Variants in CFAP46 observed in about 807,000 individuals in gnomAD.
CFAP46 encodes cilia- and flagella-associated protein 46.
A neutral mutation model predicts 325.7 loss-of-function variants in CFAP46; 245 were observed. The ratio of observed to expected loss-of-function variants is 0.75; its 90% confidence interval spans 0.68 to 0.84. The LOEUF is 0.84. CFAP46 is among the 40% of genes least tolerant of loss of function. The probability of loss-of-function intolerance (pLI) is 0.00; values close to 1 mark genes in which losing one functional copy is unlikely to be tolerated. For missense variants in CFAP46, 3,346 were observed against 3,543.0 expected (o/e 0.94, Z 1.41); for synonymous variants, 1,523 against 1,495.9 (o/e 1.02, Z -0.42).
chr10:132,886,128 T>G lies in CFAP46; in HGVS notation c.3305-169A>C, dbSNP rs905070009. On this transcript the variant is annotated intron_variant, in intron 25 of 57. Coordinates refer to ENST00000368586, the MANE Select transcript of CFAP46 (RefSeq NM_001200049.3). The surrounding 1 kb of genome is among the most constrained non-coding windows in gnomAD (Gnocchi z 5.8). ...GCAGGGCTGAAGTGAGCTGTGGACCTGCATGGCCCCTCCAGCCCCACAGTG... is the reference window on the plus strand; with the variant it reads ...GCAGGGCTGAAGTGAGCTGTGGACCGGCATGGCCCCTCCAGCCCCACAGTG... 6.6e-6 allele frequency among the ~76,000 whole-genome samples: 1 copy of G among 152,286 alleles called. No individual in the cohort carries two copies. The highest frequency in any genetic ancestry group is 1.9e-4 in the East Asian group (1 of 5,180).
At chr10:132,909,349 G>A in intron 20 of CFAP46, 105 bp from the exon 21 acceptor site, 1 of 808,330 alleles carries the variant, frequency 1.2e-6, no homozygotes, top group Non-Finnish European at 2.0e-6. Context: ...GCAATAATCA[G>A]ACCACAAAAT....
intron 8 of CFAP46, among the ~76,000 whole-genome samples, chr10:132,930,879 G>A (rs1291371811): frequency 2.2e-4 from 14 of 62,296 alleles, no homozygotes; most frequent in African/African-American, 2.1e-4. Context: ...CACTCCCCAC[G>A]CAGAGCCTGG....
At chr10:132,814,657 G>T (rs1278435007) in intron 52 of CFAP46, 29 bp downstream of exon 52, 4 of 1,582,924 alleles carry the variant, frequency 2.5e-6, no homozygotes, top group Non-Finnish European at 2.6e-6. Flanking sequence ...GCGGGGTCTG[G>T]GGCCCCCCCG....
intron 27 of CFAP46, among the ~76,000 whole-genome samples, chr10:132,883,633 G>A (rs926054884): frequency 1.3e-5 from 2 of 152,262 alleles, no homozygotes; most frequent in East Asian, 3.8e-4. Context: ...CCCGGGGGAC[G>A]AGGACCGGGC....
At chr10:132,830,903 TAACA>T (rs779448168) in intron 50 of CFAP46, among the ~76,000 whole-genome samples, 13 of 152,250 alleles carry the variant, frequency 8.5e-5, no homozygotes, top group Non-Finnish European at 1.8e-4. Flanking sequence ...TCTTCTTTCC[TAACA>T]TACATGCTTA....
At chr10:132,883,514 G>A (rs1175996204) in intron 27 of CFAP46, among the ~76,000 whole-genome samples, 1 of 152,230 alleles carries the variant, frequency 6.6e-6, no homozygotes, top group East Asian at 1.9e-4. Flanking sequence ...ACGCCCTGCA[G>A]GCGGGAAGGC....
Position 132,866,137 on chromosome 10 carries a change from AG to A in CFAP46, c.4777del (p.Leu1593TrpfsTer12). ...LKMNGETGRD[L>X]DGTSFPHLWM... is the part of the protein sequence containing the mutation. ...CAGGTGGGGAAAGGACGTCCCATCC[AG>A]GTCCCTCCCGGTCTCCCCATTCATC... On this transcript the variant is annotated frameshift_variant, in exon 35 of 58. Coordinates refer to ENST00000368586, the MANE Select transcript of CFAP46 (RefSeq NM_001200049.3). LOFTEE classifies it high-confidence loss of function. The A allele has an allele frequency of 6.5e-7, 1 of 1,542,062 alleles. No individual in the cohort carries two copies. The highest frequency in any genetic ancestry group is 1.2e-5 in the South Asian group (1 of 82,550).
At chr10:132,910,582 T>C (rs1393826284) in intron 19 of CFAP46, among the ~76,000 whole-genome samples, 6 of 152,198 alleles carry the variant, frequency 3.9e-5, no homozygotes, top group Non-Finnish European at 7.4e-5. Context: ...CATCTCTATG[T>C]AGAAATGAAA....
At chr10:132,826,743 A>G (rs979412201) in intron 50 of CFAP46, among the ~76,000 whole-genome samples, 10 of 145,278 alleles carry the variant, frequency 6.9e-5, no homozygotes, top group South Asian at 2.3e-4. Flanking sequence ...AGCCAGGCAG[A>G]AGCTGGAGCC....
intron 50 of CFAP46, among the ~76,000 whole-genome samples, chr10:132,821,862 G>GA (rs1591033624): frequency 2.1e-5 from 3 of 145,568 alleles, no homozygotes; most frequent in African/African-American, 5.2e-5. Flanking sequence ...GATGTGTGCT[G>GA]TGTGTGCTGT....
chr10:132,940,858 T>G (rs1591104441), intron 4 of CFAP46, 138 bp downstream of exon 4: 1 of 783,434 alleles, frequency 1.3e-6, no homozygotes, highest in Non-Finnish European at 2.1e-6. Context: ...GATGAGGGAG[T>G]GATCACACGT....
intron 7 of CFAP46, among the ~76,000 whole-genome samples, chr10:132,936,523 CTGTGATCTCCT>C (rs1850009389): frequency 6.7e-6 from 1 of 148,918 alleles, no homozygotes; most frequent in Non-Finnish European, 1.5e-5. Flanking sequence ...CCCAAATACA[CTGTGATCTCCT>C]CACTCCCCTC....
At chr10:132,936,137 A>C (rs559617349) in intron 7 of CFAP46, among the ~76,000 whole-genome samples, 872 of 57,722 alleles carry the variant, frequency 0.015, 42 homozygotes, top group African/African-American at 0.069. Context: ...ACACTGTGAT[A>C]TCCTCACTCC....
At chr10:132,815,549 A>C (rs10781587) in intron 50 of CFAP46, among the ~76,000 whole-genome samples, 1 of 152,052 alleles carries the variant, frequency 6.6e-6, no homozygotes, top group Non-Finnish European at 1.5e-5. Flanking sequence ...CGAAGTAAAT[A>C]TGTGCATTTT....
At position 132,884,981 on chromosome 10, in the gene CFAP46, T is replaced by C; in HGVS notation, c.3627+122A>G. The C allele has an allele frequency of 9.3e-7, 1 of 1,076,112 alleles. No individual in the cohort carries two copies. Among genetic ancestry groups the C allele is most frequent in the Admixed American group, 2.8e-5 (1 of 36,108 alleles). 66.7% of individuals were successfully genotyped at this position (1,076,112 alleles called of 1,614,324 possible). On this transcript the variant is annotated intron_variant, in intron 27 of 57. Coordinates refer to ENST00000368586, the MANE Select transcript of CFAP46 (RefSeq NM_001200049.3). The surrounding 1 kb of genome is among the most constrained non-coding windows in gnomAD (Gnocchi z 5.4). ...CCACGCGGTGCATTCTCTGTGCCCGTCAGCTGTGGCTGCTCTGCGTGCTGC... is the reference window on the plus strand; with the variant it reads ...CCACGCGGTGCATTCTCTGTGCCCGCCAGCTGTGGCTGCTCTGCGTGCTGC...
At chr10:132,922,421 G>A (rs192314727) in intron 12 of CFAP46, 59 bp downstream of exon 12, 34 of 1,487,960 alleles carry the variant, frequency 2.3e-5, no homozygotes, top group Non-Finnish European at 2.8e-5. Flanking sequence ...TCAGAGCCCC[G>A]CCCCGGCCCC....
chr10:132,818,808 T>A (rs1847742698), intron 50 of CFAP46, among the ~76,000 whole-genome samples: 1 of 150,602 alleles, frequency 6.6e-6, no homozygotes, highest in Admixed American at 6.6e-5. Flanking sequence ...GAGCCGAGAT[T>A]GCGCCACTGC....
At chr10:132,926,035 G>A (rs12784233) in intron 10 of CFAP46, among the ~76,000 whole-genome samples, 1 of 152,244 alleles carries the variant, frequency 6.6e-6, no homozygotes, top group African/African-American at 2.4e-5. Context: ...CTGAGGAAGA[G>A]TCTAAAAGGA....
chr10:132,874,008 A>C (rs953391870), intron 31 of CFAP46, among the ~76,000 whole-genome samples: 2 of 152,234 alleles, frequency 1.3e-5, no homozygotes, highest in Non-Finnish European at 2.9e-5. Flanking sequence ...AAATTTTCCC[A>C]AACAGAAGCT....
Sources: allele counts gnomAD v4.1 joint callset (sites outside exome capture counted in the v4.1 genomes callset), GRCh38; gene constraint gnomAD v4.1.1; non-coding constraint Gnocchi (gnomAD v3.1); transcripts MANE v1.5; gene names NCBI Gene and HGNC (gene_info 2026-07-23, HGNC 2026-07-21).